The following EGF variants were observed in gnomAD, a reference collection of about 807,000 sequenced individuals.
The protein encoded by EGF is pro-epidermal growth factor.
EGF carries 95 observed loss-of-function variants against 143.8 expected under a neutral mutation model. The ratio of observed to expected loss-of-function variants is 0.66; its 90% CI spans 0.56 to 0.78. EGF has a LOEUF of 0.78. EGF is among the 30% of genes least tolerant of loss of function. The pLI is 0.00. For missense variants in EGF, 1,320 were observed against 1,470.9 expected (o/e 0.90, Z 1.68); for synonymous variants, 510 against 510.5 (o/e 1.00, Z 0.01).
intron 17 of EGF, among the ~76,000 whole-genome samples, chr4:109,988,305 G>A (rs913676217): frequency 1.3e-5 from 2 of 150,958 alleles, no homozygotes; most frequent in Non-Finnish European, 2.9e-5. Flanking sequence ...ATAATTTAAC[G>A]ATTGCTGGAA....
chr4:109,997,696 C>T (rs903336864), intron 20 of EGF, among the ~76,000 whole-genome samples: 4 of 152,134 alleles, frequency 2.6e-5, no homozygotes, highest in South Asian at 2.1e-4. Context: ...GTGATCCGCC[C>T]GCCTGGGCCT....
chr4:109,946,681 G>A (rs894853938), intron 5 of EGF, among the ~76,000 whole-genome samples: 3 of 151,948 alleles, frequency 2.0e-5, no homozygotes, highest in Non-Finnish European at 2.9e-5. Flanking sequence ...TATTTTGTTT[G>A]TTTTTTTAGC....
intron 5 of EGF, among the ~76,000 whole-genome samples, chr4:109,949,490 C>T (rs543090824): frequency 6.6e-6 from 1 of 152,254 alleles, no homozygotes; most frequent in East Asian, 1.9e-4. Context: ...TGGAATTTCT[C>T]AGAACTATTC....
At chr4:109,976,378 A>C in intron 13 of EGF, 143 bp downstream of exon 13, 1 of 774,414 alleles carries the variant, frequency 1.3e-6, no homozygotes, top group Non-Finnish European at 2.2e-6. Flanking sequence ...GGGAATCATG[A>C]GCTGCAAAGC....
At chr4:109,957,991 G>A (rs1285139092) in intron 5 of EGF, among the ~76,000 whole-genome samples, 2 of 152,174 alleles carry the variant, frequency 1.3e-5, no homozygotes, top group Non-Finnish European at 2.9e-5. Context: ...AGGTGCAAAA[G>A]AGACAAAAAT....
chr4:109,995,233 A>C (rs1262293836), intron 20 of EGF, among the ~76,000 whole-genome samples: 2 of 152,154 alleles, frequency 1.3e-5, no homozygotes, highest in African/African-American at 4.8e-5. Flanking sequence ...TTTCCATCAA[A>C]TGTGCTTTAT....
rs757131048 is a variant in EGF, at chr4:109,945,107, C to T, written c.772C>T (p.Arg258Cys). The T allele has an allele frequency of 9.9e-6, 16 of 1,613,896 alleles. No individual in the cohort carries two copies. The highest frequency in any genetic ancestry group is 6.7e-5 in the African/African-American group (5 of 74,880). Residue 258 changes from arginine to cysteine, a missense_variant, in exon 5 of 24, where the codon CGT becomes TGT. Coordinates refer to ENST00000265171, the MANE Select transcript of EGF (RefSeq NM_001963.6). ...GTTTGCAATGTCCCTTTTTGGTGAC[C>T]GTATCTTCTATTCAACATGGAAAAT... The part of the protein sequence containing the change: ...NLFAMSLFGD[R>C]IFYSTWKMKT...
intron 1 of EGF, among the ~76,000 whole-genome samples, chr4:109,934,464 C>G (rs1740394621): frequency 6.6e-6 from 1 of 152,010 alleles, no homozygotes; most frequent in Admixed American, 6.6e-5. Flanking sequence ...GATATTAGTC[C>G]TTTGTCAGAT....
rs780924074 is a variant in EGF, at chr4:110,004,211, TACATACACAC to T, written c.3174-290_3174-281del. The stretch of plus-strand genomic sequence containing the variant: ...CTATTCCCCCCAACATACATGGGCA[TACATACACAC>T]ACACACACACACACACACACACACA... On this transcript the variant is annotated intron_variant, in intron 21 of 23. Transcript: ENST00000265171. The T allele has an allele frequency of 0.037, 14,241 of 387,316 alleles. 1,287 individuals carry two copies. The highest frequency in any genetic ancestry group is 0.28 in the African/African-American group (11,532 of 40,510). 24.0% of individuals were successfully genotyped at this position (387,316 alleles called of 1,614,324 possible).
intron 1 of EGF, among the ~76,000 whole-genome samples, chr4:109,933,995 C>T (rs1186088168): frequency 2.0e-5 from 3 of 152,088 alleles, no homozygotes; most frequent in Non-Finnish European, 4.4e-5. Flanking sequence ...GAGGAATTGC[C>T]CCACTGTCTT....
At chr4:110,007,154 G>A (rs1381017478) in intron 22 of EGF, among the ~76,000 whole-genome samples, 1 of 152,204 alleles carries the variant, frequency 6.6e-6, no homozygotes, top group Admixed American at 6.5e-5. Context: ...TACATGTTCT[G>A]TGGATTCACA....
At chr4:110,007,902 C>G (rs1200542338) in intron 22 of EGF, among the ~76,000 whole-genome samples, 1 of 152,076 alleles carries the variant, frequency 6.6e-6, no homozygotes, top group Non-Finnish European at 1.5e-5. Context: ...AGCTGAGATT[C>G]CATAATTAGA....
intron 1 of EGF, among the ~76,000 whole-genome samples, chr4:109,918,855 A>T (rs1240974355): frequency 6.6e-6 from 1 of 152,194 alleles, no homozygotes; most frequent in East Asian, 1.9e-4. Flanking sequence ...AAGTGACACA[A>T]GGTCATCTGT....
intron 15 of EGF, among the ~76,000 whole-genome samples, chr4:109,982,159 AT>A (rs1749468897): frequency 6.7e-6 from 1 of 150,238 alleles, no homozygotes; most frequent in South Asian, 2.1e-4. Context: ...TATTTAAATT[AT>A]TAATTTATTT....
At chr4:109,978,333 A>G (rs1487041109) in intron 13 of EGF, among the ~76,000 whole-genome samples, 1 of 152,252 alleles carries the variant, frequency 6.6e-6, no homozygotes, top group Non-Finnish European at 1.5e-5. Flanking sequence ...TCTTAATTTA[A>G]AATGCAATTA....
In EGF at chr4:109,993,124, G is replaced by A; in HGVS notation, c.2735-123G>A. On this transcript the variant is annotated intron_variant, in intron 18 of 23. Transcript: ENST00000265171. Reference sequence around the variant, plus strand: ...AAAATATATATTAAAAAAATATATAGGTCTCTGAGAACATATAGCATGACA... The same window carrying A: ...AAAATATATATTAAAAAAATATATAAGTCTCTGAGAACATATAGCATGACA... 3 of 1,124,648 alleles carry A rather than the reference G, an allele frequency of 2.7e-6. No homozygotes were observed. In the East Asian group the frequency reaches 8.3e-5, roughly 31 times the overall value. 69.7% of individuals were successfully genotyped at this position (1,124,648 alleles called of 1,614,324 possible). A position where few individuals can be genotyped will look rare whatever the true frequency, so the allele number is the denominator to read the frequency against.
chr4:109,972,227 G>A (rs950176617), intron 11 of EGF, among the ~76,000 whole-genome samples: 1 of 152,112 alleles, frequency 6.6e-6, no homozygotes, highest in Non-Finnish European at 1.5e-5. Context: ...TATCCCTGCT[G>A]GTCTTTGGTT....
Position 109,960,762 on chromosome 4 carries a change from A to G in EGF, c.1067-105A>G, listed in dbSNP as rs142257779. Reference sequence around the variant, plus strand: ...CAGACTTTCCATGATCAATTACAGCATATACAAGTGTGAGATACCCTGCGT... The same window carrying G: ...CAGACTTTCCATGATCAATTACAGCGTATACAAGTGTGAGATACCCTGCGT... On this transcript the variant is annotated intron_variant, in intron 6 of 23. Transcript: ENST00000265171. The G allele has an allele frequency of 7.8e-3, 10,043 of 1,287,708 alleles. 53 individuals are homozygous for G. Among genetic ancestry groups the G allele is most frequent in the Non-Finnish European group, 9.9e-3 (8,904 of 897,244 alleles). 79.8% of individuals were successfully genotyped at this position (1,287,708 alleles called of 1,614,324 possible). A position where few individuals can be genotyped will look rare whatever the true frequency, so the allele number is the denominator to read the frequency against.
At chr4:109,974,848 A>G (rs746099861) in intron 12 of EGF, 41 bp downstream of exon 12, 6 of 1,498,988 alleles carry the variant, frequency 4.0e-6, no homozygotes, top group Non-Finnish European at 5.6e-6. Flanking sequence ...TGCAGAGGTC[A>G]TGTGACAGTT....
Sources: gnomAD v4.1 joint callset for allele counts (sites outside exome capture counted in the v4.1 genomes callset) on GRCh38, gnomAD v4.1.1 for gene constraint, MANE v1.5 for transcripts, NCBI Gene and HGNC (gene_info 2026-07-23, HGNC 2026-07-21) for gene names.